The following SUPT3H variants were observed in gnomAD, a reference collection of about 807,000 sequenced individuals.
SUPT3H encodes the protein SPT3 homolog, SAGA and STAGA complex component.
A neutral mutation model predicts 44.3 loss-of-function variants in SUPT3H; 44 were observed. The ratio of observed to expected loss-of-function variants is 0.99; its 90% CI spans 0.78 to 1.28. SUPT3H has a LOEUF of 1.28. Ranked by LOEUF, SUPT3H falls within the 50% of genes most tolerant of loss-of-function variation. The pLI is 0.00. For synonymous variants in SUPT3H, 124 were observed against 125.6 expected (o/e 0.99, Z 0.09); for missense variants, 380 against 387.1 (o/e 0.98, Z 0.15).
intron 2 of SUPT3H, among the ~76,000 whole-genome samples, chr6:45,304,387 T>C (rs1008956308): frequency 6.6e-6 from 1 of 152,206 alleles, no homozygotes; most frequent in Non-Finnish European, 1.5e-5. Context: ...TTGATAATTA[T>C]GCTCAAAGAC....
intron 6 of SUPT3H, among the ~76,000 whole-genome samples, chr6:44,978,623 G>C (rs1167569712): frequency 6.6e-6 from 1 of 152,140 alleles, no homozygotes; most frequent in Non-Finnish European, 1.5e-5. Flanking sequence ...GGCTTTAAGT[G>C]GGAACACAGT....
At chr6:45,098,970 G>A (rs1198866899) in intron 3 of SUPT3H, 4 of 437,126 alleles carry the variant, frequency 9.2e-6, no homozygotes, top group Non-Finnish European at 1.8e-5. Context: ...CACAGACTCT[G>A]GGATCCAGCT....
intron 2 of SUPT3H, among the ~76,000 whole-genome samples, chr6:45,199,309 C>T (rs1053533027): frequency 1.3e-5 from 2 of 151,178 alleles, no homozygotes; most frequent in African/African-American, 4.8e-5. Context: ...TTATACCCTT[C>T]AGAACTTAAA....
chr6:45,178,739 C>A (rs1812515216), intron 2 of SUPT3H, among the ~76,000 whole-genome samples: 1 of 152,152 alleles, frequency 6.6e-6, no homozygotes, highest in African/African-American at 2.4e-5. Flanking sequence ...TGCAATCAAA[C>A]TAGAACTCAG....
At chr6:45,032,239 T>G (rs1366097321) in intron 3 of SUPT3H, among the ~76,000 whole-genome samples, 1 of 152,108 alleles carries the variant, frequency 6.6e-6, no homozygotes, top group African/African-American at 2.4e-5. Context: ...TTAGATGCAG[T>G]ATATGTAAAA....
chr6:45,345,094 C>A (rs374776464), intron 2 of SUPT3H, among the ~76,000 whole-genome samples: 63 of 152,100 alleles, frequency 4.1e-4, no homozygotes, highest in Non-Finnish European at 7.2e-4. Flanking sequence ...CACTCATCTG[C>A]GCTGCCTCAC....
intron 10 of SUPT3H, among the ~76,000 whole-genome samples, chr6:44,912,512 G>A (rs1767209899): frequency 6.6e-6 from 1 of 152,170 alleles, no homozygotes; most frequent in African/African-American, 2.4e-5. Flanking sequence ...CACATTGTAA[G>A]AGATGTGGAG....
chr6:44,998,424 G>T (rs1781553367), intron 6 of SUPT3H, among the ~76,000 whole-genome samples: 1 of 151,806 alleles, frequency 6.6e-6, no homozygotes, highest in South Asian at 2.1e-4. Context: ...AGCATCTATG[G>T]CTATATCATT....
chr6:45,058,804 C>T (rs1791527656), intron 3 of SUPT3H, among the ~76,000 whole-genome samples: 1 of 152,100 alleles, frequency 6.6e-6, no homozygotes, highest in South Asian at 2.1e-4. Flanking sequence ...CATATGAACA[C>T]CTATCTGCTC....
intron 3 of SUPT3H, among the ~76,000 whole-genome samples, chr6:45,043,392 G>C (rs1000956050): frequency 1.3e-5 from 2 of 152,080 alleles, no homozygotes; most frequent in Non-Finnish European, 2.9e-5. Context: ...GTGTCACTGA[G>C]GTTTGGTGTA....
intron 6 of SUPT3H, among the ~76,000 whole-genome samples, chr6:44,972,627 G>T (rs1473397986): frequency 3.3e-5 from 5 of 152,174 alleles, no homozygotes; most frequent in Non-Finnish European, 5.9e-5. Context: ...TTTCTGCACT[G>T]CCCTAGTAGA....
chr6:44,832,855 A>G (rs1769101341), intron 10 of SUPT3H, among the ~76,000 whole-genome samples: 1 of 152,096 alleles, frequency 6.6e-6, no homozygotes, highest in South Asian at 2.1e-4. Flanking sequence ...TGTACTTTTT[A>G]AAGTGACTGT....
intron 5 of SUPT3H, among the ~76,000 whole-genome samples, chr6:45,006,038 TTTA>T (rs562419924): frequency 1.1e-3 from 160 of 151,978 alleles, no homozygotes; most frequent in South Asian, 7.3e-3. Flanking sequence ...TTTATCCTGT[TTTA>T]TTATTATTAT....
intron 2 of SUPT3H, among the ~76,000 whole-genome samples, chr6:45,184,544 C>T (rs1813836696): frequency 6.6e-6 from 1 of 151,948 alleles, no homozygotes; most frequent in Non-Finnish European, 1.5e-5. Flanking sequence ...ACGTGGAAAG[C>T]CCCAGAGCTC....
chr6:44,899,708 C>G (rs1053237117), intron 10 of SUPT3H, among the ~76,000 whole-genome samples: 1 of 152,006 alleles, frequency 6.6e-6, no homozygotes, highest in South Asian at 2.1e-4. Flanking sequence ...AACAAACAAA[C>G]AAAAAATTTC....
rs1768050998 is a variant in SUPT3H, at chr6:44,917,804, A to T, written c.912+14849T>A. On this transcript the variant is annotated intron_variant, in intron 10 of 10. Transcript: ENST00000371459. ...AATACTTCCACACCATTTCCAGTAC[A>T]ATCATGGAAATTTAAAAATACTCCT... 2.6e-5 allele frequency among the ~76,000 whole-genome samples: 4 copies of T among 152,346 alleles called. No individual in the cohort carries two copies. In the South Asian group the frequency reaches 8.3e-4, roughly 32 times the overall value.
chr6:45,038,352 T>C (rs978586111), intron 3 of SUPT3H, among the ~76,000 whole-genome samples: 3 of 152,184 alleles, frequency 2.0e-5, no homozygotes, highest in Non-Finnish European at 4.4e-5. Flanking sequence ...AAAACACATA[T>C]GACAAGTTGT....
intron 6 of SUPT3H, among the ~76,000 whole-genome samples, chr6:44,976,434 T>C (rs1242806558): frequency 1.3e-5 from 2 of 151,916 alleles, no homozygotes; most frequent in African/African-American, 4.8e-5. Flanking sequence ...CAATCTTGGC[T>C]CACTGCAATC....
intron 2 of SUPT3H, among the ~76,000 whole-genome samples, chr6:45,113,827 CAAAAAAAAAA>C (rs374606230): frequency 8.9e-6 from 1 of 112,794 alleles, no homozygotes; most frequent in East Asian, 2.5e-4. Context: ...AAGACTCCAT[CAAAAAAAAAA>C]AAAAAAAAAA....
Sources: allele counts gnomAD v4.1 joint callset (sites outside exome capture counted in the v4.1 genomes callset), GRCh38; gene constraint gnomAD v4.1.1; transcripts MANE v1.5; gene names NCBI Gene and HGNC (gene_info 2026-07-23, HGNC 2026-07-21).